Variants in JAZF1 observed in about 807,000 individuals in gnomAD.
The protein encoded by JAZF1 is juxtaposed with another zinc finger protein 1.
A neutral mutation model predicts 26.4 loss-of-function variants in JAZF1; 8 were observed. That is an observed-to-expected ratio of 0.30 (90% confidence interval 0.18 to 0.55). The LOEUF is 0.55. Among genes scored for constraint, JAZF1 ranks in the 20% least tolerant of loss-of-function variants. The pLI is 0.94. For synonymous variants in JAZF1, 126 were observed against 122.3 expected, an observed-to-expected ratio of 1.03 and a Z score of -0.20; for missense variants, 199 against 322.0, an observed-to-expected ratio of 0.62 and a Z score of 2.92.
chr7:28,034,900 A>G (rs1562565538), intron 1 of JAZF1, among the ~76,000 whole-genome samples: 1 of 152,150 alleles, frequency 6.6e-6, no homozygotes, highest in Non-Finnish European at 1.5e-5. Flanking sequence ...ACAAAGTGTG[A>G]TTTTTTACTA....
At chr7:27,920,967 C>T (rs1210641496) in intron 2 of JAZF1, among the ~76,000 whole-genome samples, 1 of 152,044 alleles carries the variant, frequency 6.6e-6, no homozygotes, top group African/African-American at 2.4e-5. Context: ...TCTTAATGCA[C>T]AAAAATATAT....
At position 27,991,773 on chromosome 7, in the gene JAZF1, C is replaced by A. The variant is rs186621728; in HGVS notation, c.188+136G>T. 206 of 598,996 alleles carry A rather than the reference C, an allele frequency of 3.4e-4. 1 individual carries two copies. The highest frequency in any genetic ancestry group is 3.3e-3 in the African/African-American group (180 of 53,732). The allele number at this position is 598,996 out of a possible 1,614,324, so 37.1% of individuals were successfully genotyped here. A position where few individuals can be genotyped will look rare whatever the true frequency, so the allele number is the denominator to read the frequency against. On this transcript the variant is annotated intron_variant, in intron 2 of 4. Coordinates refer to ENST00000283928, the MANE Select transcript of JAZF1 (RefSeq NM_175061.4). ...CAAAGAAACAAGAGCATTCCATATA[C>A]AGGTTGCTTTTAAATAGTTTCATGC...
rs528341180 is a variant in JAZF1, at chr7:28,030,159, G to A, written c.116-38178C>T. On this transcript the variant is annotated intron_variant, in intron 1 of 4. Coordinates refer to ENST00000283928, the MANE Select transcript of JAZF1 (RefSeq NM_175061.4). ...TAGGGGCTGGCGCAGGATGGAGAATGTTTCTAAAGAATTGAAAAGGAGTGT... is the reference window on the plus strand; with the variant it reads ...TAGGGGCTGGCGCAGGATGGAGAATATTTCTAAAGAATTGAAAAGGAGTGT... Among the ~76,000 whole-genome samples, 6 of 152,280 alleles carry A rather than the reference G, an allele frequency of 3.9e-5. No individual in the cohort carries two copies. The South Asian group carries it at 1.0e-3, about 26-fold the overall frequency.
chr7:28,070,036 C>T (rs974462991), intron 1 of JAZF1, among the ~76,000 whole-genome samples: 56 of 152,276 alleles, frequency 3.7e-4, no homozygotes, highest in African/African-American at 1.3e-3. Flanking sequence ...CTTTGTAAAA[C>T]GTCTTCAGAT....
chr7:27,972,026 G>A (rs139782025), intron 2 of JAZF1, among the ~76,000 whole-genome samples: 103 of 151,966 alleles, frequency 6.8e-4, no homozygotes, highest in African/African-American at 2.4e-3. Context: ...GTGTAACAGT[G>A]TACAACCTAC....
At chr7:28,082,266 T>C (rs1784149547) in intron 1 of JAZF1, among the ~76,000 whole-genome samples, 1 of 152,202 alleles carries the variant, frequency 6.6e-6, no homozygotes, top group African/African-American at 2.4e-5. Flanking sequence ...GAGGCGAGGA[T>C]GTCACTCACC....
chr7:28,015,378 T>G (rs1045027768), intron 1 of JAZF1, among the ~76,000 whole-genome samples: 2 of 152,166 alleles, frequency 1.3e-5, no homozygotes, highest in African/African-American at 4.8e-5. Flanking sequence ...TGACAATGCA[T>G]CAATTTGGTT....
intron 2 of JAZF1, among the ~76,000 whole-genome samples, chr7:27,925,587 C>T (rs1481180193): frequency 6.6e-6 from 1 of 152,030 alleles, no homozygotes; most frequent in Non-Finnish European, 1.5e-5. Flanking sequence ...GTGCCTCACT[C>T]ATTTTATTTT....
intron 1 of JAZF1, among the ~76,000 whole-genome samples, chr7:28,160,595 A>T (rs549143593): frequency 6.6e-6 from 1 of 152,286 alleles, no homozygotes; most frequent in African/African-American, 2.4e-5. Context: ...GCCACAAAAC[A>T]TCGTTTTAGT....
intron 1 of JAZF1, among the ~76,000 whole-genome samples, chr7:28,000,343 T>C (rs952711971): frequency 6.6e-6 from 1 of 152,150 alleles, no homozygotes; most frequent in Non-Finnish European, 1.5e-5. Context: ...CTGAACACCC[T>C]ACATACGCAC....
chr7:28,142,015 T>C (rs1223431992), intron 1 of JAZF1, among the ~76,000 whole-genome samples: 1 of 152,190 alleles, frequency 6.6e-6, no homozygotes, highest in Non-Finnish European at 1.5e-5. Flanking sequence ...TGGCGGTCAT[T>C]AGAAACAATG....
At chr7:28,103,651 GTTTC>G (rs1337537997) in intron 1 of JAZF1, among the ~76,000 whole-genome samples, 1 of 151,954 alleles carries the variant, frequency 6.6e-6, no homozygotes, top group Non-Finnish European at 1.5e-5. Flanking sequence ...GTCATCCTTG[GTTTC>G]TTTCTTTCTC....
At chr7:28,012,196 T>G (rs1782810635) in intron 1 of JAZF1, among the ~76,000 whole-genome samples, 1 of 152,134 alleles carries the variant, frequency 6.6e-6, no homozygotes, top group Admixed American at 6.5e-5. Flanking sequence ...CAACCAGAAA[T>G]GCACTGGTAT....
chr7:27,921,885 A>T (rs558390882), intron 2 of JAZF1, among the ~76,000 whole-genome samples: 20 of 152,266 alleles, frequency 1.3e-4, no homozygotes, highest in African/African-American at 2.4e-4. Flanking sequence ...GTATTTTTTT[A>T]AAAAAAGAAT....
At chr7:28,110,109 G>T (rs940402254) in intron 1 of JAZF1, among the ~76,000 whole-genome samples, 2 of 152,076 alleles carry the variant, frequency 1.3e-5, no homozygotes, top group Non-Finnish European at 2.9e-5. Context: ...AAGAGGAAAA[G>T]AATCAACTGA....
chr7:28,120,923 G>T (rs1268453258), intron 1 of JAZF1, among the ~76,000 whole-genome samples: 1 of 152,070 alleles, frequency 6.6e-6, no homozygotes, highest in East Asian at 1.9e-4. Context: ...GGTTCCACTG[G>T]GCATGGTGGC....
At chr7:27,965,449 T>C (rs896274065) in intron 2 of JAZF1, among the ~76,000 whole-genome samples, 6 of 152,200 alleles carry the variant, frequency 3.9e-5, no homozygotes, top group African/African-American at 1.4e-4. Flanking sequence ...TTAAGTCTTC[T>C]GACATCCCAA....
chr7:27,931,540 C>T (rs973347783), intron 2 of JAZF1, among the ~76,000 whole-genome samples: 7 of 152,188 alleles, frequency 4.6e-5, no homozygotes, highest in Non-Finnish European at 7.3e-5. Flanking sequence ...GGAGGCTGGG[C>T]GTGGTGGCTC....
chr7:27,838,058 T>C (rs1406355352), intron 4 of JAZF1, among the ~76,000 whole-genome samples: 1 of 151,074 alleles, frequency 6.6e-6, no homozygotes, highest in Non-Finnish European at 1.5e-5. Flanking sequence ...TTCCAGAGAC[T>C]CAAAGCCCTT....
Sources: gnomAD v4.1 joint callset for allele counts (sites outside exome capture counted in the v4.1 genomes callset) on GRCh38, gnomAD v4.1.1 for gene constraint, MANE v1.5 for transcripts, NCBI Gene and HGNC (gene_info 2026-07-23, HGNC 2026-07-21) for gene names.